STPG2: variants seen among roughly 807,000 people sequenced by gnomAD.
The protein encoded by STPG2 is sperm-tail PG-rich repeat-containing protein 2.
In STPG2, 56 loss-of-function variants were observed where a neutral mutation model predicts 54.2. The ratio of observed to expected loss-of-function variants is 1.03; its 90% CI spans 0.83 to 1.29. The LOEUF (loss-of-function observed/expected upper bound fraction) is 1.29, where lower values mean the gene tolerates loss of function less well. Ranked by LOEUF, STPG2 falls within the 50% of genes most tolerant of loss-of-function variation. The pLI, the probability that STPG2 is intolerant of heterozygous loss-of-function variation, is 0.00. For synonymous variants in STPG2, 200 were observed against 181.8 expected, an observed-to-expected ratio of 1.10 and a Z score of -0.81; for missense variants, 596 against 544.9, an observed-to-expected ratio of 1.09 and a Z score of -0.93.
chr4:97,850,179 TC>T (rs1024123360), intron 8 of STPG2, among the ~76,000 whole-genome samples: 10 of 141,016 alleles, frequency 7.1e-5, no homozygotes, highest in Admixed American at 2.2e-4. Context: ...GAACAAAAAA[TC>T]AAACACCGCG....
At chr4:97,452,046 C>T (rs1729383426) in intron 4 of STPG2, among the ~76,000 whole-genome samples, 1 of 149,214 alleles carries the variant, frequency 6.7e-6, no homozygotes, top group African/African-American at 2.5e-5. Flanking sequence ...TCCCTGGGTG[C>T]CATTGCAGCT....
chr4:98,072,570 T>TAATAAAATAAAATAA (rs10646385), intron 5 of STPG2, among the ~76,000 whole-genome samples: 96 of 145,000 alleles, frequency 6.6e-4, no homozygotes, highest in African/African-American at 2.3e-3. Context: ...GAAGGGAAAA[T>TAATAAAATAAAATAA]AATAAAATAA....
At chr4:97,454,975 T>C (rs761928970) in intron 4 of STPG2, among the ~76,000 whole-genome samples, 1 of 152,296 alleles carries the variant, frequency 6.6e-6, no homozygotes, top group African/African-American at 2.4e-5. Flanking sequence ...ATATTCCTAC[T>C]ACAGCACTTC....
intron 7 of STPG2, among the ~76,000 whole-genome samples, chr4:97,962,604 T>C (rs1319495968): frequency 6.6e-6 from 1 of 152,232 alleles, no homozygotes; most frequent in Admixed American, 6.5e-5. Context: ...TAGATAGTTT[T>C]AAATTGTCAA....
intron 8 of STPG2, among the ~76,000 whole-genome samples, chr4:97,846,797 T>G (rs898391281): frequency 6.6e-6 from 1 of 152,074 alleles, no homozygotes; most frequent in African/African-American, 2.4e-5. Context: ...AAAGAAATTC[T>G]TGCAATACAC....
intron 7 of STPG2, among the ~76,000 whole-genome samples, chr4:97,963,909 T>C (rs946470757): frequency 2.0e-5 from 3 of 152,130 alleles, no homozygotes; most frequent in Admixed American, 1.3e-4. Context: ...TATTTAATGT[T>C]CTTAAATTTA....
At position 98,110,714 on chromosome 4, in the gene STPG2, C is replaced by G. The variant is rs567133638; in HGVS notation, c.388-1409G>C. Among the ~76,000 whole-genome samples, 403 of 152,196 alleles carry G rather than the reference C, an allele frequency of 2.6e-3. 1 individual carries two copies. Among genetic ancestry groups the G allele is most frequent in the Non-Finnish European group, 4.9e-3 (333 of 67,998 alleles). On this transcript the variant is annotated intron_variant, in intron 3 of 10. Transcript: ENST00000295268. Reference sequence around the variant, plus strand: ...CCCACTCTAAAACTTGCCTTGGTCTCTCACTCTGCCTTATGCCCCTCGATT... The same window carrying G: ...CCCACTCTAAAACTTGCCTTGGTCTGTCACTCTGCCTTATGCCCCTCGATT...
At chr4:97,744,937 T>C (rs1725377070) in intron 9 of STPG2, among the ~76,000 whole-genome samples, 1 of 151,272 alleles carries the variant, frequency 6.6e-6, no homozygotes, top group African/African-American at 2.4e-5. Context: ...CTCTTCTTTA[T>C]CATCTGCTCT....
intron 9 of STPG2, among the ~76,000 whole-genome samples, chr4:97,721,892 C>G (rs1724460675): frequency 6.6e-6 from 1 of 151,988 alleles, no homozygotes. Flanking sequence ...AAACATATAT[C>G]ACTGCAAAAA....
rs1249814891 is a variant in STPG2, at chr4:97,611,263, C to T, written c.1321-52146G>A. Reference sequence around the variant, plus strand: ...AGTGGTGGTCAAGAAAACCATGATCCCTAACCTCATGGAAATTGCAAATCT... The same window carrying T: ...AGTGGTGGTCAAGAAAACCATGATCTCTAACCTCATGGAAATTGCAAATCT... On this transcript the variant is annotated intron_variant, in intron 10 of 10. Transcript: ENST00000295268. Among the ~76,000 whole-genome samples the T allele has an allele frequency of 2.3e-4, 35 of 150,858 alleles. 2 individuals carry two copies. Among genetic ancestry groups the T allele is most frequent in the Non-Finnish European group, 2.2e-4 (15 of 67,810 alleles).
intron 9 of STPG2, among the ~76,000 whole-genome samples, chr4:97,783,965 G>T (rs984745964): frequency 2.0e-5 from 3 of 151,528 alleles, no homozygotes; most frequent in Admixed American, 6.6e-5. Flanking sequence ...CATACCTAAT[G>T]TAAATGACGA....
intron 9 of STPG2, among the ~76,000 whole-genome samples, chr4:97,741,261 T>C (rs1233575218): frequency 6.6e-6 from 1 of 152,106 alleles, no homozygotes; most frequent in East Asian, 1.9e-4. Flanking sequence ...ATAAAAACCC[T>C]AGAAGAAAAC....
intron 4 of STPG2, among the ~76,000 whole-genome samples, chr4:97,452,306 G>T (rs1729398156): frequency 6.6e-6 from 1 of 152,070 alleles, no homozygotes; most frequent in Non-Finnish European, 1.5e-5. Context: ...TTGGAGCAAA[G>T]TCAGGTGGAG....
intron 9 of STPG2, among the ~76,000 whole-genome samples, chr4:97,750,596 T>C (rs746784600): frequency 6.6e-6 from 1 of 151,750 alleles, no homozygotes; most frequent in Non-Finnish European, 1.5e-5. Flanking sequence ...ATCAACCACC[T>C]GTTGCAGCAG....
chr4:97,530,517 T>C (rs1353367281), intron 4 of STPG2, among the ~76,000 whole-genome samples: 1 of 152,170 alleles, frequency 6.6e-6, no homozygotes, highest in Non-Finnish European at 1.5e-5. Flanking sequence ...TGTGTGTGTG[T>C]GTGTGTTTGT....
At chr4:97,763,122 A>G (rs1175366603) in intron 9 of STPG2, among the ~76,000 whole-genome samples, 1 of 152,194 alleles carries the variant, frequency 6.6e-6, no homozygotes. Context: ...TTTGTGTTCA[A>G]TTGACTTAGC....
chr4:97,924,340 G>A (rs1413882294), intron 8 of STPG2, among the ~76,000 whole-genome samples: 1 of 152,190 alleles, frequency 6.6e-6, no homozygotes. Context: ...AAACATATGT[G>A]ATGGAAAATG....
chr4:97,899,318 A>G (rs1286971234), intron 8 of STPG2, among the ~76,000 whole-genome samples: 1 of 151,996 alleles, frequency 6.6e-6, no homozygotes, highest in African/African-American at 2.4e-5. Context: ...CACAGAAATC[A>G]GAGAAGACAC....
At chr4:97,461,448 A>G (rs1378503342) in intron 4 of STPG2, among the ~76,000 whole-genome samples, 1 of 152,202 alleles carries the variant, frequency 6.6e-6, no homozygotes, top group African/African-American at 2.4e-5. Flanking sequence ...CATGAATGAA[A>G]TAAGTGCCCT....
Sources: allele counts gnomAD v4.1 joint callset (sites outside exome capture counted in the v4.1 genomes callset), GRCh38; gene constraint gnomAD v4.1.1; transcripts MANE v1.5; gene names NCBI Gene and HGNC (gene_info 2026-07-23, HGNC 2026-07-21).